The following RNF150 variants were observed in gnomAD, a reference collection of about 807,000 sequenced individuals.
RNF150 encodes ring finger protein 150.
RNF150 carries 24 observed loss-of-function variants against 39.3 expected under a neutral mutation model. The ratio of observed to expected loss-of-function variants is 0.61; its 90% CI spans 0.44 to 0.86. RNF150 has a LOEUF of 0.86. RNF150 is among the 40% of genes least tolerant of loss of function. RNF150 has a pLI of 0.00. For synonymous variants in RNF150, 255 were observed against 227.3 expected (o/e 1.12, Z -1.10); for missense variants, 502 against 587.8 (o/e 0.85, Z 1.51).
chr4:140,926,434 C>A (rs534016579), intron 4 of RNF150, among the ~76,000 whole-genome samples: 2 of 152,278 alleles, frequency 1.3e-5, no homozygotes, highest in South Asian at 4.2e-4. Context: ...ATTGATACTA[C>A]TTTAAAAAAT....
chr4:141,027,942 T>TG (rs1560696816), intron 1 of RNF150, among the ~76,000 whole-genome samples: 3 of 135,988 alleles, frequency 2.2e-5, no homozygotes, highest in East Asian at 2.0e-4. Context: ...TTTTTTTTTT[T>TG]TTTTTTTTTT....
chr4:141,033,458 A>C (rs567935618), intron 1 of RNF150, among the ~76,000 whole-genome samples: 1 of 152,262 alleles, frequency 6.6e-6, no homozygotes, highest in East Asian at 1.9e-4. Context: ...GAGAATTGGA[A>C]TCAACTTCTT....
chr4:140,870,006 T>C (rs372349920), intron 6 of RNF150, among the ~76,000 whole-genome samples: 3 of 152,210 alleles, frequency 2.0e-5, no homozygotes, highest in African/African-American at 4.8e-5. Context: ...ATAATACTTT[T>C]GTTCTGATAA....
chr4:141,173,730 G>A (rs1727765872), intron 1 of RNF150, among the ~76,000 whole-genome samples: 6 of 152,142 alleles, frequency 3.9e-5, no homozygotes, highest in Admixed American at 3.9e-4. Context: ...CTTTGGACAA[G>A]CCCTTTACTT....
intron 1 of RNF150, among the ~76,000 whole-genome samples, chr4:141,071,133 C>CA (rs1179783873): frequency 7.2e-6 from 1 of 138,046 alleles, no homozygotes; most frequent in African/African-American, 2.7e-5. Context: ...ATTGCAAGAA[C>CA]AAAAAACCAA....
chr4:141,078,307 C>G (rs1247848998), intron 1 of RNF150, among the ~76,000 whole-genome samples: 1 of 152,076 alleles, frequency 6.6e-6, no homozygotes, highest in Non-Finnish European at 1.5e-5. Context: ...TTTCTCTCTT[C>G]CCCTCTTCTT....
chr4:141,178,829 G>GTATGTGTTCTAGGAACACTAGAA (rs1560769909), intron 1 of RNF150, among the ~76,000 whole-genome samples: 8 of 150,336 alleles, frequency 5.3e-5, no homozygotes, highest in African/African-American at 2.0e-4. Context: ...GCAAAGCTGA[G>GTATGTGTTCTAGGAACACTAGAA]TATGTGTTCT....
chr4:141,177,870 T>C (rs1727839717), intron 1 of RNF150, among the ~76,000 whole-genome samples: 1 of 152,174 alleles, frequency 6.6e-6, no homozygotes, highest in African/African-American at 2.4e-5. Context: ...TTATGTTCAA[T>C]TTACCATAAA....
At chr4:141,009,180 T>C (rs967695288) in intron 1 of RNF150, among the ~76,000 whole-genome samples, 2 of 152,214 alleles carry the variant, frequency 1.3e-5, no homozygotes, top group African/African-American at 4.8e-5. Flanking sequence ...CTAATCACTT[T>C]GAAAAAATAT....
chr4:141,197,268 T>A (rs1388295790), intron 1 of RNF150, among the ~76,000 whole-genome samples: 1 of 152,216 alleles, frequency 6.6e-6, no homozygotes, highest in Non-Finnish European at 1.5e-5. Flanking sequence ...AGTGTTGTTT[T>A]GAGTTATGCA....
intron 1 of RNF150, among the ~76,000 whole-genome samples, chr4:141,067,496 G>A (rs574895397): frequency 6.6e-6 from 1 of 152,278 alleles, no homozygotes; most frequent in African/African-American, 2.4e-5. Context: ...GAAACAATCA[G>A]CCCAATATGA....
intron 1 of RNF150, among the ~76,000 whole-genome samples, chr4:141,033,828 G>T (rs778067894): frequency 3.0e-4 from 45 of 152,044 alleles, no homozygotes; most frequent in South Asian, 1.0e-3. Context: ...TCAACAGTGG[G>T]CTTAAAATAT....
intron 1 of RNF150, among the ~76,000 whole-genome samples, chr4:141,139,837 T>G (rs1727088678): frequency 6.6e-6 from 1 of 152,198 alleles, no homozygotes; most frequent in Non-Finnish European, 1.5e-5. Flanking sequence ...CCTGGAAGTC[T>G]GACTCTAGGG....
chr4:141,133,766 C>T (rs1164386538), upstream of RNF150, among the ~76,000 whole-genome samples: 3 of 152,198 alleles, frequency 2.0e-5, no homozygotes, highest in South Asian at 4.2e-4. Flanking sequence ...GCCGTGAGCT[C>T]CCTGATTACC....
At position 140,910,958 on chromosome 4, in the gene RNF150, G is replaced by A. The variant is rs1352560265; in HGVS notation, c.1198+186C>T. 9.9e-6 allele frequency: 6 copies of A among 608,194 alleles called. No individual in the cohort carries two copies. In the African/African-American group the frequency reaches 1.1e-4, roughly 11 times the overall value. The allele number at this position is 608,194 out of a possible 1,614,324, so 37.7% of individuals were successfully genotyped here. A position where few individuals can be genotyped will look rare whatever the true frequency, so the allele number is the denominator to read the frequency against. Reference sequence around the variant, plus strand: ...CAGGAGCATGGGCACACAGAGCCAGGTGGGCTGTCTGCCCTGCTGGCTCTA... The same window carrying A: ...CAGGAGCATGGGCACACAGAGCCAGATGGGCTGTCTGCCCTGCTGGCTCTA... On this transcript the variant is annotated intron_variant, in intron 6 of 6. Transcript: ENST00000515673.
chr4:141,130,501 C>G (rs1726865755), intron 1 of RNF150, among the ~76,000 whole-genome samples: 1 of 152,156 alleles, frequency 6.6e-6, no homozygotes, highest in African/African-American at 2.4e-5. Context: ...TGTGGGAAAT[C>G]TGCTTAGTGT....
intron 4 of RNF150, 67 bp downstream of exon 4, chr4:140,947,587 C>T (rs1732368123): frequency 8.4e-7 from 1 of 1,186,078 alleles, no homozygotes; most frequent in Non-Finnish European, 1.3e-6. Context: ...AGGTCGGGGC[C>T]AGGGAGGCCA....
chr4:140,999,972 GAAGAAAAGAAGAAAAGAAGA>G (rs1460400916), intron 1 of RNF150, among the ~76,000 whole-genome samples: 2 of 30,014 alleles, frequency 6.7e-5, no homozygotes, highest in Non-Finnish European at 2.0e-4. Flanking sequence ...AGAAGAAGAA[GAAGAAAAGAAGAAAAGAAGA>G]AAAGAAGAAG....
chr4:140,927,909 A>C (rs1578975893), intron 4 of RNF150, among the ~76,000 whole-genome samples: 2 of 152,044 alleles, frequency 1.3e-5, no homozygotes, highest in East Asian at 3.9e-4. Flanking sequence ...TCAGCCTCTC[A>C]AAGTGCTGGG....
Sources: allele counts gnomAD v4.1 joint callset (sites outside exome capture counted in the v4.1 genomes callset), GRCh38; gene constraint gnomAD v4.1.1; transcripts MANE v1.5; gene names NCBI Gene and HGNC (gene_info 2026-07-23, HGNC 2026-07-21).